Variants in C9orf72 observed in about 807,000 individuals in gnomAD.
C9orf72 encodes C9orf72-SMCR8 complex subunit.
In C9orf72, 44 loss-of-function variants were observed where a neutral mutation model predicts 51.6. The observed-to-expected ratio is 0.85, with a 90% CI of 0.67 to 1.10. The LOEUF is 1.10. Among genes scored for constraint, C9orf72 ranks in the 50% least tolerant of loss-of-function variants. C9orf72 has a pLI of 0.00. For synonymous variants in C9orf72, 213 were observed against 194.2 expected (o/e 1.10, Z -0.81); for missense variants, 607 against 570.6 (o/e 1.06, Z -0.65).
Position 27,548,435 on chromosome 9 carries a change from GAAAAAAAAAA to G in C9orf72, c.1260-23_1260-14del, listed in dbSNP as rs11292923. 376 of 174,878 alleles carry G rather than the reference GAAAAAAAAAA, an allele frequency of 2.2e-3. 3 individuals are homozygous for G. Among genetic ancestry groups the G allele is most frequent in the African/African-American group, 0.019 (210 of 11,266 alleles). The allele number at this position is 174,878 out of a possible 1,614,324, so 10.8% of individuals were successfully genotyped here. A position where few individuals can be genotyped will look rare whatever the true frequency, so the allele number is the denominator to read the frequency against. On this transcript the variant is annotated splice_polypyrimidine_tract_variant and intron_variant, in intron 10 of 10. Transcript: ENST00000380003. ...TTTTCCCTTCTGCCTAAAAATAATG[GAAAAAAAAAA>G]AAAAAAAAAAAAAAAAGAAGCGCAA...
intron 1 of C9orf72, among the ~76,000 whole-genome samples, chr9:27,569,036 A>C (rs745819407): frequency 2.0e-4 from 31 of 151,920 alleles, no homozygotes; most frequent in Non-Finnish European, 5.9e-5. Context: ...GTCTATGCCT[A>C]GGTGAAAGTG....
intron 1 of C9orf72, among the ~76,000 whole-genome samples, chr9:27,572,624 C>T (rs943044464): frequency 6.6e-6 from 1 of 152,028 alleles, no homozygotes; most frequent in Non-Finnish European, 1.5e-5. Flanking sequence ...TCGATTGCAT[C>T]TGAAAGGGCC....
At chr9:27,560,700 T>A (rs1344508444) in intron 5 of C9orf72, 7 of 987,758 alleles carry the variant, frequency 7.1e-6, no homozygotes, top group Non-Finnish European at 8.4e-6. Context: ...ATTCAAGCCA[T>A]TAAGGCTCTT....
intron 1 of C9orf72, among the ~76,000 whole-genome samples, chr9:27,572,646 G>C (rs1212060262): frequency 6.6e-6 from 1 of 152,104 alleles, no homozygotes; most frequent in African/African-American, 2.4e-5. Context: ...CCCCTCCTGG[G>C]AAAGTGCAGG....
chr9:27,562,835 T>C (rs549552670), intron 3 of C9orf72, among the ~76,000 whole-genome samples: 17 of 152,054 alleles, frequency 1.1e-4, no homozygotes, highest in South Asian at 4.1e-4. Context: ...CATGCCCGGC[T>C]GATTTTTGTA....
At chr9:27,565,482 A>G (rs369431431) in intron 3 of C9orf72, 49 bp downstream of exon 3, 1 of 1,239,130 alleles carries the variant, frequency 8.1e-7, no homozygotes, top group Non-Finnish European at 1.2e-6. Flanking sequence ...AACCTTATAC[A>G]GATACATGCT....
chr9:27,568,474 T>G (rs925223755), intron 1 of C9orf72, among the ~76,000 whole-genome samples: 8 of 152,324 alleles, frequency 5.3e-5, no homozygotes, highest in Middle Eastern at 3.4e-3. Flanking sequence ...CTTGGTCCCC[T>G]TGCTCAACTT....
chr9:27,549,706 T>G (rs1270154077), intron 9 of C9orf72, among the ~76,000 whole-genome samples: 1 of 151,980 alleles, frequency 6.6e-6, no homozygotes, highest in Non-Finnish European at 1.5e-5. Flanking sequence ...AAAGATGTTA[T>G]TTAAATAAGT....
chr9:27,565,605 AT>A lies in C9orf72; in HGVS notation c.445-16del. 6.4e-7 allele frequency: 1 copy of A among 1,558,398 alleles called. No homozygotes were observed. The highest frequency in any genetic ancestry group is 8.8e-7 in the Non-Finnish European group (1 of 1,136,302). ...TCTTGTCTTTCCTGAGCAAGAGAAAATTTATTTAAAAAAACAACCCACAACA... is the reference window on the plus strand; with the variant it reads ...TCTTGTCTTTCCTGAGCAAGAGAAAATTATTTAAAAAAACAACCCACAACA... On this transcript the variant is annotated splice_polypyrimidine_tract_variant and intron_variant, in intron 2 of 10. Transcript: ENST00000380003.
At chr9:27,554,736 TA>T in intron 8 of C9orf72, 1 of 396,172 alleles carries the variant, frequency 2.5e-6, no homozygotes, top group Non-Finnish European at 4.4e-6. Flanking sequence ...AATTAACATG[TA>T]AAAACATATA....
chr9:27,564,108 C>T (rs550105761), intron 3 of C9orf72, among the ~76,000 whole-genome samples: 1 of 131,236 alleles, frequency 7.6e-6, no homozygotes, highest in Admixed American at 8.7e-5. Flanking sequence ...GTATCTCAGA[C>T]ATTATCAGTA....
intron 3 of C9orf72, among the ~76,000 whole-genome samples, chr9:27,563,232 T>A (rs1211491312): frequency 6.6e-6 from 1 of 151,586 alleles, no homozygotes; most frequent in African/African-American, 2.4e-5. Flanking sequence ...AACAGAAAAA[T>A]TCCCTTTAGA....
chr9:27,561,368 A>G, intron 5 of C9orf72: 2 of 1,282,512 alleles, frequency 1.6e-6, no homozygotes, highest in Non-Finnish European at 2.0e-6. Flanking sequence ...TGGGATGGAA[A>G]CTCGGTTTCT....
At chr9:27,572,459 G>C (rs1281532555) in intron 1 of C9orf72, among the ~76,000 whole-genome samples, 1 of 140,874 alleles carries the variant, frequency 7.1e-6, no homozygotes, top group African/African-American at 2.8e-5. Context: ...TATCTTAACA[G>C]TATCTTTTTT....
chr9:27,570,945 A>G (rs1200583859), intron 1 of C9orf72, among the ~76,000 whole-genome samples: 1 of 152,236 alleles, frequency 6.6e-6, no homozygotes, highest in Non-Finnish European at 1.5e-5. Context: ...TGAATTGCTT[A>G]GTTTTAAATC....
At chr9:27,554,271 C>A (rs1188231047) in intron 8 of C9orf72, among the ~76,000 whole-genome samples, 1 of 152,100 alleles carries the variant, frequency 6.6e-6, no homozygotes, top group Non-Finnish European at 1.5e-5. Flanking sequence ...AACCTAAATG[C>A]CTATCAATGG....
intron 1 of C9orf72, among the ~76,000 whole-genome samples, chr9:27,569,401 G>GT (rs1466100547): frequency 2.0e-5 from 3 of 152,144 alleles, no homozygotes; most frequent in Non-Finnish European, 4.4e-5. Context: ...TCCATTCGTG[G>GT]TAAGTGGCCT....
chr9:27,548,256 C>T lies in C9orf72; in HGVS notation c.1426G>A (p.Asp476Asn), dbSNP rs767272170. The T allele has an allele frequency of 3.1e-6, 5 of 1,607,658 alleles. No homozygotes were observed. The highest frequency in any genetic ancestry group is 1.7e-4 in the Middle Eastern group (1 of 6,040). Residue 476 changes from aspartate (D) to asparagine (N), a missense_variant, in exon 11 of 11, where the codon GAT (aspartate) becomes AAT (asparagine). By Grantham distance (23) the Asp-to-Asn change is conservative (BLOSUM62 1). Transcript: ENST00000380003. ...RPFYTSVQER[D>N]VLMTF is the part of the protein sequence containing the mutation. ...CACATTTAAAAAGTCATTAGAACATCTCGTTCTTGCACACTAGTGTAGAAA... is the reference window on the plus strand; with the variant it reads ...CACATTTAAAAAGTCATTAGAACATTTCGTTCTTGCACACTAGTGTAGAAA...
intron 8 of C9orf72, among the ~76,000 whole-genome samples, chr9:27,552,804 C>T (rs967242221): frequency 1.3e-5 from 2 of 151,954 alleles, no homozygotes; most frequent in African/African-American, 4.8e-5. Context: ...ACCTTGCATC[C>T]CAGGGATAAA....
Sources: allele counts gnomAD v4.1 joint callset (sites outside exome capture counted in the v4.1 genomes callset), GRCh38; gene constraint gnomAD v4.1.1; transcripts MANE v1.5; gene names NCBI Gene and HGNC (gene_info 2026-07-23, HGNC 2026-07-21).